Variants in ATRNL1 observed in about 807,000 individuals in gnomAD.
ATRNL1 encodes attractin-like protein 1.
Under a neutral mutation model 182.7 loss-of-function variants are expected in ATRNL1, and 95 were observed. The observed-to-expected ratio is 0.52, with a 90% CI of 0.44 to 0.62. The LOEUF (loss-of-function observed/expected upper bound fraction) is 0.62. Ranked by LOEUF, ATRNL1 falls within the 20% of genes least tolerant of loss-of-function variation. The pLI is 0.00. For synonymous variants in ATRNL1, 576 were observed against 568.3 expected (o/e 1.01, Z -0.19); for missense variants, 1,471 against 1,679.5 (o/e 0.88, Z 2.17).
intron 28 of ATRNL1, among the ~76,000 whole-genome samples, chr10:115,896,382 A>T (rs1952209205): frequency 6.8e-6 from 1 of 146,582 alleles, no homozygotes; most frequent in African/African-American, 2.4e-5. Flanking sequence ...TAAAGAAAAA[A>T]CTGAATTTTT....
At chr10:115,114,460 A>G (rs906459219) in intron 1 of ATRNL1, among the ~76,000 whole-genome samples, 5 of 152,232 alleles carry the variant, frequency 3.3e-5, no homozygotes, top group African/African-American at 1.2e-4. Context: ...CAACCTACAC[A>G]TTGAGAGAAA....
At chr10:115,766,184 A>G (rs1457591916) in intron 27 of ATRNL1, among the ~76,000 whole-genome samples, 2 of 152,236 alleles carry the variant, frequency 1.3e-5, no homozygotes, top group Admixed American at 6.5e-5. Context: ...TTACACAAGT[A>G]TATCTACAGG....
intron 19 of ATRNL1, among the ~76,000 whole-genome samples, chr10:115,388,892 T>C (rs1438206877): frequency 1.3e-5 from 2 of 152,158 alleles, no homozygotes; most frequent in African/African-American, 2.4e-5. Flanking sequence ...TTTTGATATA[T>C]GTTTTCATTT....
chr10:115,267,184 AT>A (rs1391628821), intron 12 of ATRNL1, among the ~76,000 whole-genome samples, 179 bp downstream of exon 12: 1 of 151,046 alleles, frequency 6.6e-6, no homozygotes, highest in South Asian at 2.1e-4. Flanking sequence ...TTTATTAGCT[AT>A]TTTTAGCTTT....
At chr10:115,715,757 C>T (rs1555056089) in intron 26 of ATRNL1, among the ~76,000 whole-genome samples, 1 of 152,200 alleles carries the variant, frequency 6.6e-6, no homozygotes, top group Admixed American at 6.5e-5. Flanking sequence ...CAAAAATTTA[C>T]TCATAGACAT....
intron 19 of ATRNL1, among the ~76,000 whole-genome samples, chr10:115,361,079 A>G (rs1198247232): frequency 6.6e-6 from 1 of 151,974 alleles, no homozygotes; most frequent in East Asian, 1.9e-4. Flanking sequence ...TATCCTTTAC[A>G]ATGAATGAGA....
intron 24 of ATRNL1, among the ~76,000 whole-genome samples, chr10:115,507,585 A>G (rs1554981608): frequency 6.6e-6 from 1 of 152,074 alleles, no homozygotes; most frequent in African/African-American, 2.4e-5. Context: ...TGACTGGGTA[A>G]CCTTCTAAGC....
At chr10:115,779,213 G>A (rs1949203653) in intron 27 of ATRNL1, among the ~76,000 whole-genome samples, 1 of 152,064 alleles carries the variant, frequency 6.6e-6, no homozygotes, top group Non-Finnish European at 1.5e-5. Context: ...ATGGAAATCA[G>A]GAAGATAAAA....
intron 16 of ATRNL1, 83 bp from the exon 17 acceptor site, chr10:115,301,772 G>T (rs1853480530): frequency 2.4e-6 from 3 of 1,241,632 alleles, no homozygotes; most frequent in Admixed American, 3.0e-5. Context: ...AACATGCCCT[G>T]AACAGCAAAG....
intron 10 of ATRNL1, among the ~76,000 whole-genome samples, chr10:115,264,077 CATT>C (rs1851503490): frequency 1.4e-5 from 2 of 143,562 alleles, no homozygotes; most frequent in South Asian, 4.6e-4. Flanking sequence ...CTTTCAGCAT[CATT>C]CTCTTTTTTT....
intron 27 of ATRNL1, 23 bp downstream of exon 27, chr10:115,727,378 A>G (rs781909056): frequency 1.3e-6 from 2 of 1,558,052 alleles, no homozygotes; most frequent in Admixed American, 3.4e-5. Flanking sequence ...GTGCTGAAAG[A>G]GGACCACTGT....
intron 24 of ATRNL1, among the ~76,000 whole-genome samples, chr10:115,495,061 T>G (rs1849478438): frequency 2.0e-5 from 3 of 152,176 alleles, no homozygotes; most frequent in Non-Finnish European, 2.9e-5. Flanking sequence ...CGTTCAATCT[T>G]GGGTCGTTGT....
chr10:115,918,902 C>T (rs1252185212), intron 28 of ATRNL1, among the ~76,000 whole-genome samples: 1 of 152,140 alleles, frequency 6.6e-6, no homozygotes, highest in Non-Finnish European at 1.5e-5. Flanking sequence ...TGGGAATCTG[C>T]AAATTCTTTC....
chr10:115,584,434 A>T (rs1368438159), intron 26 of ATRNL1, among the ~76,000 whole-genome samples: 2 of 141,364 alleles, frequency 1.4e-5, no homozygotes, highest in Non-Finnish European at 3.1e-5. Flanking sequence ...AGATGGTGTT[A>T]TTGGTCTATT....
At chr10:115,199,332 C>A (rs1554891763) in intron 8 of ATRNL1, among the ~76,000 whole-genome samples, 1 of 151,786 alleles carries the variant, frequency 6.6e-6, no homozygotes, top group Non-Finnish European at 1.5e-5. Context: ...CTTTGGAGGC[C>A]AAGATGGGCG....
rs1347922897 is a variant in ATRNL1 at position 115,681,168 on chromosome 10, A to T, written c.3796-46080A>T. Among the ~76,000 whole-genome samples, 3 of 152,162 alleles carry T rather than the reference A, an allele frequency of 2.0e-5. No homozygotes were observed. The East Asian group carries it at 5.8e-4, about 29-fold the overall frequency. On this transcript the variant is annotated intron_variant, in intron 26 of 28. Coordinates refer to ENST00000355044, the MANE Select transcript of ATRNL1 (RefSeq NM_207303.4). Reference sequence around the variant, plus strand: ...ATCTTCTCATGTACAAAATAGAAGGATTTAAAATATAACTTTGAATGTCAA... The same window carrying T: ...ATCTTCTCATGTACAAAATAGAAGGTTTTAAAATATAACTTTGAATGTCAA...
chr10:115,156,534 T>G (rs1554882130), intron 5 of ATRNL1, among the ~76,000 whole-genome samples: 1 of 152,144 alleles, frequency 6.6e-6, no homozygotes, highest in Non-Finnish European at 1.5e-5. Flanking sequence ...TTCTACTCTG[T>G]ATGATTATGT....
intron 28 of ATRNL1, among the ~76,000 whole-genome samples, chr10:115,919,562 G>A (rs952389542): frequency 6.6e-6 from 1 of 151,944 alleles, no homozygotes; most frequent in Non-Finnish European, 1.5e-5. Flanking sequence ...GATGATGAAG[G>A]TATTAACATT....
At chr10:115,658,090 C>CTT (rs71010038) in intron 26 of ATRNL1, among the ~76,000 whole-genome samples, 540 of 90,262 alleles carry the variant, frequency 6.0e-3, no homozygotes, top group Non-Finnish European at 6.9e-3. Context: ...AATTTTTTTC[C>CTT]TTTTTTTTTT....
Sources: gnomAD v4.1 joint callset for allele counts (sites outside exome capture counted in the v4.1 genomes callset) on GRCh38, gnomAD v4.1.1 for gene constraint, MANE v1.5 for transcripts, NCBI Gene and HGNC (gene_info 2026-07-23, HGNC 2026-07-21) for gene names.